Variants in CHURC1 observed in about 807,000 individuals in gnomAD.
CHURC1 encodes protein Churchill.
A neutral mutation model predicts 15.4 loss-of-function variants in CHURC1; 12 were observed. The ratio of observed to expected loss-of-function variants is 0.78; its 90% CI spans 0.50 to 1.27. The LOEUF is 1.27. Ranked by LOEUF, CHURC1 falls within the 50% of genes most tolerant of loss-of-function variation. The probability of loss-of-function intolerance (pLI) is 0.00; values close to 1 mark genes in which losing one functional copy is unlikely to be tolerated. For missense variants in CHURC1, 132 were observed against 137.8 expected (o/e 0.96, Z 0.21); for synonymous variants, 42 against 47.5 (o/e 0.88, Z 0.48).
At chr14:64,917,601 A>G (rs1036046835) in intron 1 of CHURC1, among the ~76,000 whole-genome samples, 3 of 152,042 alleles carry the variant, frequency 2.0e-5, no homozygotes, top group East Asian at 1.9e-4. Flanking sequence ...CACCACAAAT[A>G]TTAGCCAAGC....
intron 1 of CHURC1, among the ~76,000 whole-genome samples, chr14:64,919,720 C>T (rs1164298492): frequency 6.6e-6 from 1 of 151,610 alleles, no homozygotes; most frequent in Non-Finnish European, 1.5e-5. Flanking sequence ...CTGTTTCTAC[C>T]AAACAATGCA....
intron 3 of CHURC1, 89 bp downstream of exon 3, chr14:64,926,169 AG>A: frequency 1.1e-6 from 1 of 881,590 alleles, no homozygotes; most frequent in Non-Finnish European, 1.7e-6. Context: ...GGTTTTCATA[AG>A]TGAAGTGCAA....
chr14:64,931,298 C>T (rs1270423505), intron 3 of CHURC1, among the ~76,000 whole-genome samples: 2 of 152,114 alleles, frequency 1.3e-5, no homozygotes, highest in Admixed American at 1.3e-4. Context: ...CTTTGGGAGG[C>T]CAAGGTGGGA....
At position 64,934,889 on chromosome 14, in the gene CHURC1, C is replaced by T. The variant is rs1042645721; in HGVS notation, c.*2659C>T. The T allele has an allele frequency of 1.0e-6, 1 of 984,032 alleles. No individual in the cohort carries two copies. Among genetic ancestry groups the T allele is most frequent in the African/African-American group, 1.7e-5 (1 of 57,196 alleles). The allele number at this position is 984,032 out of a possible 1,614,324, so 61.0% of individuals were successfully genotyped here. On this transcript the variant is annotated 3_prime_UTR_variant, in exon 4 of 4. Coordinates refer to ENST00000549115, the MANE Select transcript of CHURC1 (RefSeq NM_001386928.1). The stretch of plus-strand genomic sequence containing the variant: ...ACAAAAATTTAAAACATAAGATCCT[C>T]TCTCTATATTTCATTATTGGTGAAC...
intron 3 of CHURC1, among the ~76,000 whole-genome samples, chr14:64,926,804 T>C (rs1884742976): frequency 6.6e-6 from 1 of 152,218 alleles, no homozygotes; most frequent in Admixed American, 6.5e-5. Context: ...ATCATAAGGA[T>C]TAATCCTTAC....
Position 64,914,624 on chromosome 14 carries a change from GCGGACTCGGCCGCACTGC to G in CHURC1, c.39+94_39+111del, listed in dbSNP as rs1883728322. On this transcript the variant is annotated intron_variant, in intron 1 of 3. Coordinates refer to ENST00000549115, the MANE Select transcript of CHURC1 (RefSeq NM_001386928.1). ...CCTTCCCAGAGAGGCCGTACGTGGG[GCGGACTCGGCCGCACTGC>G]CGGTCCCGGTGACCCAGTAGCGGTA... 3 of 1,589,794 alleles carry G rather than the reference GCGGACTCGGCCGCACTGC, an allele frequency of 1.9e-6. No individual in the cohort carries two copies. The Admixed American group carries it at 5.1e-5, about 27-fold the overall frequency.
At chr14:64,920,208 T>C (rs969599248) in intron 1 of CHURC1, among the ~76,000 whole-genome samples, 3 of 152,202 alleles carry the variant, frequency 2.0e-5, no homozygotes, top group African/African-American at 7.2e-5. Context: ...TTCTTACAGT[T>C]TTCAGCCATT....
Position 64,914,522 on chromosome 14 carries a change from A to T in CHURC1, c.27A>T (p.Glu9Asp). 1 of 1,614,232 alleles carries T rather than the reference A, an allele frequency of 6.2e-7. No individual in the cohort carries two copies. Residue 9 changes from glutamate to aspartate, a missense_variant, in exon 1 of 4, where the codon GAA becomes GAT. Physicochemically the swap from Glu to Asp is conservative, Grantham distance 45. Coordinates refer to ENST00000549115, the MANE Select transcript of CHURC1 (RefSeq NM_001386928.1). ...TGTGTGGCGACTGTGTGGAGAAGGA[A>T]TATCCCAACCGGGTGAGCGACTGGG... MCGDCVEK[E>D]YPNRGNTCLE... is the part of the protein sequence containing the mutation.
In CHURC1 at chr14:64,918,046, A is replaced by G. The variant is rs146788239; in HGVS notation, c.39+3512A>G. Among the ~76,000 whole-genome samples, 101 of 152,356 alleles carry G rather than the reference A, an allele frequency of 6.6e-4. 2 individuals are homozygous for G. The East Asian group carries it at 0.018, about 28-fold the overall frequency. On this transcript the variant is annotated intron_variant, in intron 1 of 3. Transcript: ENST00000549115. ...AAATAGGATTTGTTCTCTGAGGAAAAAAATGTAGAGAATCAAGGACTGAGC... is the reference window on the plus strand; with the variant it reads ...AAATAGGATTTGTTCTCTGAGGAAAGAAATGTAGAGAATCAAGGACTGAGC...
chr14:64,925,859 T>A (rs1173160988), intron 2 of CHURC1, 151 bp from the exon 3 acceptor site: 2 of 450,558 alleles, frequency 4.4e-6, no homozygotes, highest in African/African-American at 4.1e-5. Context: ...CTTTTAAAAA[T>A]CAAGGTAGAT....
In CHURC1 at chr14:64,933,809, C is replaced by G. The variant is rs1885204181; in HGVS notation, c.*1579C>G. The G allele has an allele frequency of 1.0e-6, 1 of 985,158 alleles. No homozygotes were observed. The highest frequency in any genetic ancestry group is 1.1e-4 in the East Asian group (1 of 8,830). 61.0% of individuals were successfully genotyped at this position (985,158 alleles called of 1,614,324 possible). ...GTTCATTGTAGATACTAGGGAAAAG[C>G]TTTGTTGAATAACAGTAATGATGAT... On this transcript the variant is annotated 3_prime_UTR_variant, in exon 4 of 4. Coordinates refer to ENST00000549115, the MANE Select transcript of CHURC1 (RefSeq NM_001386928.1).
At position 64,932,458 on chromosome 14, in the gene CHURC1, C is replaced by T; in HGVS notation, c.*228C>T. The T allele has an allele frequency of 8.1e-7, 1 of 1,242,054 alleles. No homozygotes were observed. Among genetic ancestry groups the T allele is most frequent in the Non-Finnish European group, 1.0e-6 (1 of 986,796 alleles). The allele number at this position is 1,242,054 out of a possible 1,614,324, so 76.9% of individuals were successfully genotyped here. Reference sequence around the variant, plus strand: ...CATCAGTGTAGCCAGAGTGAAGCATCTTTGTTAGCAGTTATGTGGTCAGAA... The same window carrying T: ...CATCAGTGTAGCCAGAGTGAAGCATTTTTGTTAGCAGTTATGTGGTCAGAA... On this transcript the variant is annotated 3_prime_UTR_variant, in exon 4 of 4. Transcript: ENST00000549115.
At chr14:64,923,634 TGTTG>T (rs1266821883) in intron 1 of CHURC1, among the ~76,000 whole-genome samples, 1 of 152,106 alleles carries the variant, frequency 6.6e-6, no homozygotes, top group Non-Finnish European at 1.5e-5. Context: ...CGTTTAATAT[TGTTG>T]GTTATTAAAT....
rs1025454566 is a variant in CHURC1, at chr14:64,935,115, A to G, written c.*2885A>G. The stretch of plus-strand genomic sequence containing the variant: ...AACCAAACACCACATGTTCTCACTC[A>G]TAGATAGGAATTGAACAATGAGAAC... On this transcript the variant is annotated 3_prime_UTR_variant, in exon 4 of 4. Coordinates refer to ENST00000549115, the MANE Select transcript of CHURC1 (RefSeq NM_001386928.1). 4.4e-5 allele frequency: 18 copies of G among 409,370 alleles called. No homozygotes were observed. Among genetic ancestry groups the G allele is most frequent in the Admixed American group, 6.4e-5 (1 of 15,524 alleles). The allele number at this position is 409,370 out of a possible 1,614,324, so 25.4% of individuals were successfully genotyped here. A position where few individuals can be genotyped will look rare whatever the true frequency, so the allele number is the denominator to read the frequency against.
At position 64,932,184 on chromosome 14, in the gene CHURC1, T is replaced by C. The variant is rs1210094872; in HGVS notation, c.293T>C (p.Ile98Thr). ...CLLCGKAEDTISILPDDPRQM... is the reference protein window; with the variant it reads ...CLLCGKAEDTTSILPDDPRQM... ...TTATGCGGCAAAGCCGAAGATACTA[T>C]CAGTATTCTCCCTGATGACCCCCGA... Residue 98 changes from isoleucine (I) to threonine (T), a missense_variant, in exon 4 of 4, where the codon ATC becomes ACC. By Grantham distance (89) the Ile-to-Thr change is moderately conservative. Coordinates refer to ENST00000549115, the MANE Select transcript of CHURC1 (RefSeq NM_001386928.1). 1.2e-6 allele frequency: 2 copies of C among 1,613,966 alleles called. No individual in the cohort carries two copies. The highest frequency in any genetic ancestry group is 2.2e-5 in the East Asian group (1 of 44,880).
chr14:64,924,437 T>C (rs549161647), intron 2 of CHURC1: 1 of 177,200 alleles, frequency 5.6e-6, no homozygotes, highest in Non-Finnish European at 1.2e-5. Flanking sequence ...CTTTTTATTA[T>C]TGTTATTATT....
chr14:64,926,788 A>T (rs1420218651), intron 3 of CHURC1, among the ~76,000 whole-genome samples: 7 of 152,228 alleles, frequency 4.6e-5, no homozygotes, highest in Non-Finnish European at 1.0e-4. Flanking sequence ...GGAGATTAAG[A>T]GATTTATCAT....
chr14:64,931,427 G>C (rs866603848), intron 3 of CHURC1, among the ~76,000 whole-genome samples: 1 of 152,016 alleles, frequency 6.6e-6, no homozygotes. Context: ...TCAATTACTT[G>C]GGGGTCTGAG....
intron 2 of CHURC1, among the ~76,000 whole-genome samples, chr14:64,925,696 C>CAAAAAAAAAAAAA (rs3033506): frequency 1.5e-5 from 1 of 66,196 alleles, no homozygotes; most frequent in African/African-American, 6.3e-5. Flanking sequence ...GACCCGGCCT[C>CAAAAAAAAAAAAA]AAAAAAAAAA....
Sources: allele counts gnomAD v4.1 joint callset (sites outside exome capture counted in the v4.1 genomes callset), GRCh38; gene constraint gnomAD v4.1.1; transcripts MANE v1.5; gene names NCBI Gene and HGNC (gene_info 2026-07-23, HGNC 2026-07-21).